TMEFF1: variants seen among roughly 807,000 people sequenced by gnomAD.
TMEFF1 encodes the protein tomoregulin-1.
A neutral mutation model predicts 47.5 loss-of-function variants in TMEFF1; 20 were observed. The observed-to-expected ratio is 0.42, with a 90% CI of 0.30 to 0.61. The LOEUF is 0.61. Ranked by LOEUF, TMEFF1 falls within the 20% of genes least tolerant of loss-of-function variation. TMEFF1 has a pLI of 0.19. For synonymous variants in TMEFF1, 162 were observed against 166.3 expected, an observed-to-expected ratio of 0.97 and a Z score of 0.20; for missense variants, 411 against 471.1, an observed-to-expected ratio of 0.87 and a Z score of 1.18.
chr9:100,476,067 T>A (rs991136837), intron 1 of TMEFF1, among the ~76,000 whole-genome samples: 2 of 152,146 alleles, frequency 1.3e-5, no homozygotes, highest in African/African-American at 4.8e-5. Context: ...AATATCTGAG[T>A]CTTCTTTCAA....
intron 5 of TMEFF1, among the ~76,000 whole-genome samples, chr9:100,538,597 A>G (rs1212977789): frequency 1.3e-5 from 2 of 152,176 alleles, no homozygotes; most frequent in Admixed American, 6.5e-5. Context: ...TTTATCACAT[A>G]TGATAGGTCC....
intron 8 of TMEFF1, among the ~76,000 whole-genome samples, chr9:100,564,744 A>T (rs1465048048): frequency 6.6e-6 from 1 of 152,206 alleles, no homozygotes; most frequent in East Asian, 1.9e-4. Context: ...CAAATCTGAA[A>T]GCCACTCTGG....
At chr9:100,489,440 C>T (rs1375544237) in intron 1 of TMEFF1, among the ~76,000 whole-genome samples, 1 of 152,218 alleles carries the variant, frequency 6.6e-6, no homozygotes, top group Non-Finnish European at 1.5e-5. Flanking sequence ...ATCCTCCTGC[C>T]TTGGCCTCCC....
At chr9:100,517,935 G>GAC (rs1211200980) in intron 5 of TMEFF1, among the ~76,000 whole-genome samples, 9 of 152,188 alleles carry the variant, frequency 5.9e-5, no homozygotes, top group Non-Finnish European at 1.0e-4. Context: ...ATAGGTATAT[G>GAC]TGTCAGTATT....
chr9:100,533,899 A>T (rs1362922868), intron 5 of TMEFF1, among the ~76,000 whole-genome samples: 1 of 151,854 alleles, frequency 6.6e-6, no homozygotes, highest in African/African-American at 2.4e-5. Flanking sequence ...TTGTATTTTT[A>T]GTAGAGATGA....
intron 1 of TMEFF1, among the ~76,000 whole-genome samples, chr9:100,495,750 C>T (rs1465670046): frequency 1.3e-5 from 2 of 151,876 alleles, no homozygotes; most frequent in Non-Finnish European, 2.9e-5. Flanking sequence ...TGACTTTTAC[C>T]CTTACCTATT....
At chr9:100,568,608 C>CTTCCT (rs1839171108) in intron 8 of TMEFF1, among the ~76,000 whole-genome samples, 1 of 151,476 alleles carries the variant, frequency 6.6e-6, no homozygotes, top group African/African-American at 2.4e-5. Context: ...TCCTTCCTTC[C>CTTCCT]TTCTCCATTG....
intron 5 of TMEFF1, among the ~76,000 whole-genome samples, chr9:100,525,300 T>C (rs1199834691): frequency 6.6e-6 from 1 of 152,130 alleles, no homozygotes; most frequent in Non-Finnish European, 1.5e-5. Flanking sequence ...CCCCGCTTTA[T>C]AACCAGCTGC....
chr9:100,546,783 G>A (rs896456048), intron 5 of TMEFF1, among the ~76,000 whole-genome samples: 8 of 152,138 alleles, frequency 5.3e-5, no homozygotes, highest in African/African-American at 1.9e-4. Flanking sequence ...CTATAAACAG[G>A]AGAGTCTCTG....
intron 1 of TMEFF1, among the ~76,000 whole-genome samples, chr9:100,482,713 C>A (rs1837365095): frequency 6.6e-6 from 1 of 152,114 alleles, no homozygotes; most frequent in African/African-American, 2.4e-5. Flanking sequence ...AGATGGAGAG[C>A]CTGTTTGGAG....
chr9:100,483,872 T>C (rs765290968), intron 1 of TMEFF1, among the ~76,000 whole-genome samples: 1 of 152,192 alleles, frequency 6.6e-6, no homozygotes, highest in Non-Finnish European at 1.5e-5. Context: ...TTCCATACTT[T>C]AAATTTTTTG....
chr9:100,569,483 G>T (rs1157768401), intron 8 of TMEFF1, among the ~76,000 whole-genome samples: 1 of 151,378 alleles, frequency 6.6e-6, no homozygotes, highest in Non-Finnish European at 1.5e-5. Context: ...CCATTTTGTG[G>T]CTTGTCTTTT....
chr9:100,495,196 C>G (rs1448805722), intron 1 of TMEFF1, among the ~76,000 whole-genome samples: 2 of 152,168 alleles, frequency 1.3e-5, no homozygotes, highest in East Asian at 3.8e-4. Flanking sequence ...ATTACTTTCT[C>G]TCTGCTTTCA....
rs1475301965 is a variant in TMEFF1, at chr9:100,547,744, G to A, written c.561G>A (p.Gly187=). Residue 187 remains glycine (G), a splice_region_variant and synonymous_variant, in exon 6 of 10, where the codon GGG becomes GGA. Transcript: ENST00000374879. ...AECDEDAENV[G]CVCNIDCSGY... Reference sequence around the variant, plus strand: ...AGGTAATTTTTGTCTTTTCCAACAGGTGTGTATGTAATATAGATTGCAGTG... The same window carrying A: ...AGGTAATTTTTGTCTTTTCCAACAGATGTGTATGTAATATAGATTGCAGTG... The A allele has an allele frequency of 1.9e-6, 3 of 1,546,244 alleles. No individual in the cohort carries two copies. The highest frequency in any genetic ancestry group is 1.7e-6 in the Non-Finnish European group (2 of 1,148,530).
At chr9:100,515,039 G>A (rs1364360093) in intron 4 of TMEFF1, among the ~76,000 whole-genome samples, 1 of 152,030 alleles carries the variant, frequency 6.6e-6, no homozygotes, top group Non-Finnish European at 1.5e-5. Flanking sequence ...AGGTGTGGTG[G>A]TATGTAGTCT....
chr9:100,490,472 G>A (rs763963874), intron 1 of TMEFF1, among the ~76,000 whole-genome samples: 12 of 152,152 alleles, frequency 7.9e-5, no homozygotes, highest in Non-Finnish European at 1.8e-4. Flanking sequence ...TTGGTTGGGA[G>A]TTGAAGTCAT....
chr9:100,549,043 A>G (rs1838786961), intron 6 of TMEFF1, among the ~76,000 whole-genome samples: 1 of 152,186 alleles, frequency 6.6e-6, no homozygotes, highest in Non-Finnish European at 1.5e-5. Context: ...ACTCTTTGGA[A>G]TTTCAAGTTC....
chr9:100,551,160 C>G (rs900307488), intron 7 of TMEFF1, among the ~76,000 whole-genome samples: 11 of 152,196 alleles, frequency 7.2e-5, no homozygotes, highest in African/African-American at 2.7e-4. Context: ...TGTGATCTAT[C>G]TTTTATACCT....
intron 2 of TMEFF1, among the ~76,000 whole-genome samples, chr9:100,499,464 A>G (rs1837717312): frequency 6.6e-6 from 1 of 152,214 alleles, no homozygotes; most frequent in African/African-American, 2.4e-5. Flanking sequence ...TCTGTGGTTA[A>G]ATGGTAATCA....
Sources: gnomAD v4.1 joint callset for allele counts (sites outside exome capture counted in the v4.1 genomes callset) on GRCh38, gnomAD v4.1.1 for gene constraint, MANE v1.5 for transcripts, NCBI Gene and HGNC (gene_info 2026-07-23, HGNC 2026-07-21) for gene names.